The following RGS9 variants were observed in gnomAD, a reference collection of about 807,000 sequenced individuals.
The protein encoded by RGS9 is regulator of G protein signaling 9.
A neutral mutation model predicts 102.0 loss-of-function variants in RGS9; 78 were observed. The observed-to-expected ratio is 0.76, with a 90% CI of 0.64 to 0.92. The LOEUF is 0.92. RGS9 is among the 40% of genes least tolerant of loss of function. RGS9 has a pLI of 0.00. For synonymous variants in RGS9, 353 were observed against 318.6 expected (o/e 1.11, Z -1.15); for missense variants, 833 against 866.1 (o/e 0.96, Z 0.48).
intron 8 of RGS9, among the ~76,000 whole-genome samples, chr17:65,168,943 TG>T (rs1396696303): frequency 3.9e-5 from 6 of 152,272 alleles, no homozygotes; most frequent in African/African-American, 1.4e-4. Flanking sequence ...TGCTACATAC[TG>T]GGATTAACTC....
At chr17:65,195,826 C>T (rs1912563220) in intron 12 of RGS9, among the ~76,000 whole-genome samples, 1 of 152,238 alleles carries the variant, frequency 6.6e-6, no homozygotes, top group South Asian at 2.1e-4. Context: ...TTTTCACAAA[C>T]AGCCAGGATT....
At chr17:65,198,987 C>G (rs1533334) in intron 13 of RGS9, among the ~76,000 whole-genome samples, 1 of 149,612 alleles carries the variant, frequency 6.7e-6, no homozygotes, top group Admixed American at 6.6e-5. Context: ...TTTATTATCT[C>G]CCCCCCACTA....
chr17:65,202,351 C>G (rs989326185), intron 14 of RGS9, among the ~76,000 whole-genome samples: 1 of 150,838 alleles, frequency 6.6e-6, no homozygotes, highest in Non-Finnish European at 1.5e-5. Context: ...CAAGCTGTCC[C>G]GAATTACAGT....
Position 65,177,762 on chromosome 17 carries a change from C to G in RGS9, c.613C>G (p.Leu205Val). ...AATGGACAATGTGCTGGACTACGGCCTGGACCGAGTGACCAATCCGAATGA... is the reference window on the plus strand; with the variant it reads ...AATGGACAATGTGCTGGACTACGGCGTGGACCGAGTGACCAATCCGAATGA... ...PGMDNVLDYG[L>V]DRVTNPNEVK... Residue 205 changes from leucine (L) to valine (V), a missense_variant, in exon 9 of 19, where the codon CTG (leucine) becomes GTG (valine). This residue lies in a region of RGS9 where 328 missense variants were observed against 340.6 expected (regional missense o/e 0.96). Transcript: ENST00000262406. 1 of 1,614,210 alleles carries G rather than the reference C, an allele frequency of 6.2e-7. No individual in the cohort carries two copies. Among genetic ancestry groups the G allele is most frequent in the Non-Finnish European group, 8.5e-7 (1 of 1,180,016 alleles).
At chr17:65,224,187 C>T (rs964475368) in intron 17 of RGS9, among the ~76,000 whole-genome samples, 18 of 152,194 alleles carry the variant, frequency 1.2e-4, no homozygotes, top group African/African-American at 3.1e-4. Context: ...CTGAAAATTC[C>T]GATTTTAATT....
chr17:65,203,082 G>A (rs1347345404), intron 14 of RGS9, among the ~76,000 whole-genome samples: 1 of 152,228 alleles, frequency 6.6e-6, no homozygotes, highest in African/African-American at 2.4e-5. Context: ...TGAGGACTTA[G>A]CCTCTGGACC....
chr17:65,183,332 G>A (rs578212416), intron 9 of RGS9, among the ~76,000 whole-genome samples: 8 of 151,980 alleles, frequency 5.3e-5, no homozygotes, highest in Admixed American at 2.0e-4. Flanking sequence ...CTTTTTGGCC[G>A]GGCTGATCTC....
chr17:65,207,877 T>C, intron 15 of RGS9, 45 bp from the exon 16 acceptor site: 7 of 1,422,204 alleles, frequency 4.9e-6, no homozygotes, highest in Non-Finnish European at 6.9e-6. Context: ...TTGATTTGAC[T>C]GCTTTTTTCT....
At position 65,227,501 on chromosome 17, in the gene RGS9, A is replaced by G. The variant is rs2144140169; in HGVS notation, c.*94A>G. The G allele has an allele frequency of 2.7e-6, 4 of 1,501,188 alleles. No individual in the cohort carries two copies. The highest frequency in any genetic ancestry group is 2.5e-5 in the East Asian group (1 of 40,682). The allele number at this position is 1,501,188 out of a possible 1,614,324, so 93.0% of individuals were successfully genotyped here. ...CACAGGACACACTTGCTCGAGAACC[A>G]AAGTGCATTTGGGTGACATTTGAAG... On this transcript the variant is annotated 3_prime_UTR_variant, in exon 19 of 19. Transcript: ENST00000262406.
intron 1 of RGS9, among the ~76,000 whole-genome samples, chr17:65,152,522 G>A (rs530351148): frequency 3.9e-5 from 6 of 152,246 alleles, no homozygotes; most frequent in African/African-American, 7.2e-5. Context: ...GGGTTGAAAC[G>A]CTGTCATTTC....
chr17:65,197,380 C>G (rs1912636873), intron 13 of RGS9, 139 bp downstream of exon 13: 1 of 692,702 alleles, frequency 1.4e-6, no homozygotes, highest in Non-Finnish European at 2.6e-6. Context: ...TGCTTCCTTT[C>G]ACAGCTTTAA....
chr17:65,153,644 C>T (rs1910665271), intron 2 of RGS9, 126 bp downstream of exon 2: 8 of 772,476 alleles, frequency 1.0e-5, no homozygotes, highest in Admixed American at 2.0e-5. Flanking sequence ...GTAATCCCAG[C>T]ACTTTGGGAG....
intron 17 of RGS9, among the ~76,000 whole-genome samples, chr17:65,219,451 G>C (rs577055282): frequency 3.3e-5 from 5 of 152,182 alleles, no homozygotes; most frequent in Non-Finnish European, 7.3e-5. Flanking sequence ...CATTTATTTG[G>C]ACAATATTAA....
At chr17:65,201,971 A>G in intron 13 of RGS9, 22 bp from the exon 14 acceptor site, 1 of 1,556,284 alleles carries the variant, frequency 6.4e-7, no homozygotes, top group African/African-American at 1.4e-5. Context: ...GCCCTCATCC[A>G]CGTGGACTTC....
chr17:65,189,656 A>G (rs755743141), intron 10 of RGS9, among the ~76,000 whole-genome samples: 20 of 152,200 alleles, frequency 1.3e-4, no homozygotes, highest in Non-Finnish European at 2.6e-4. Flanking sequence ...AATCTACCCA[A>G]GGTGGCAACT....
At chr17:65,186,209 T>TATTC (rs1025934650) in intron 9 of RGS9, among the ~76,000 whole-genome samples, 4 of 143,148 alleles carry the variant, frequency 2.8e-5, no homozygotes, top group East Asian at 2.0e-4. Context: ...TTTATTTATT[T>TATTC]ATTCTGAGAT....
At chr17:65,172,210 G>T (rs1214855123) in intron 8 of RGS9, among the ~76,000 whole-genome samples, 1 of 152,154 alleles carries the variant, frequency 6.6e-6, no homozygotes, top group Admixed American at 6.5e-5. Context: ...TTTTTTGTTT[G>T]TTTGTTGTTT....
chr17:65,159,335 C>T (rs879628586), intron 3 of RGS9, among the ~76,000 whole-genome samples: 32 of 152,128 alleles, frequency 2.1e-4, no homozygotes, highest in Non-Finnish European at 3.7e-4. Flanking sequence ...TCTCTTCACA[C>T]GGACACGAGT....
chr17:65,187,740 G>C (rs539026516), intron 9 of RGS9, among the ~76,000 whole-genome samples: 1 of 152,212 alleles, frequency 6.6e-6, no homozygotes, highest in Non-Finnish European at 1.5e-5. Context: ...GCTCACGCCT[G>C]TAATCCCAGC....
Sources: gnomAD v4.1 joint callset for allele counts (sites outside exome capture counted in the v4.1 genomes callset) on GRCh38, gnomAD v4.1.1 for gene constraint, gnomAD v4.1.1 regional missense constraint, MANE v1.5 for transcripts, NCBI Gene and HGNC (gene_info 2026-07-23, HGNC 2026-07-21) for gene names.